The following SLC25A18 variants were observed in gnomAD, a reference collection of about 807,000 sequenced individuals.
The protein encoded by SLC25A18 is solute carrier family 25 member 18.
SLC25A18 carries 24 observed loss-of-function variants against 31.1 expected under a neutral mutation model. That is an observed-to-expected ratio of 0.77 (90% confidence interval 0.56 to 1.08). The LOEUF is 1.08. Among genes scored for constraint, SLC25A18 ranks in the 50% least tolerant of loss-of-function variants. The probability of loss-of-function intolerance (pLI) is 0.00; values close to 1 mark genes in which losing one functional copy is unlikely to be tolerated. For missense variants in SLC25A18, 371 were observed against 418.5 expected, an observed-to-expected ratio of 0.89 and a Z score of 0.99; for synonymous variants, 173 against 161.9, an observed-to-expected ratio of 1.07 and a Z score of -0.52.
Position 17,589,633 on chromosome 22 carries a change from G to A in SLC25A18, c.774G>A (p.Glu258=). 6.2e-7 allele frequency: 1 copy of A among 1,614,096 alleles called. No homozygotes were observed. The highest frequency in any genetic ancestry group is 8.5e-7 in the Non-Finnish European group (1 of 1,180,002). ...AAACCCTCAAGAAAGGCCTGGGCGA[G>A]GACATGTACAGTGGGATCACCGACT... ...RIQTLKKGLG[E]DMYSGITDCA... The change falls in exon 10 of 11, where the codon GAG becomes GAA. Residue 258 remains glutamate, a synonymous_variant. Coordinates refer to ENST00000327451, the MANE Select transcript of SLC25A18 (RefSeq NM_031481.3).
At chr22:17,582,736 C>T in intron 6 of SLC25A18, 83 bp downstream of exon 6, 1 of 1,219,178 alleles carries the variant, frequency 8.2e-7, no homozygotes, top group South Asian at 1.3e-5. Flanking sequence ...AAATGTGCCT[C>T]AGTATACCTG....
At chr22:17,588,718 C>T (rs1185446664) in intron 9 of SLC25A18, 1 of 152,158 alleles carries the variant, frequency 6.6e-6, no homozygotes, top group African/African-American at 2.4e-5. Context: ...GAAGACAATG[C>T]TTCCCTCCGT....
intron 10 of SLC25A18, 133 bp from the exon 11 acceptor site, chr22:17,589,962 A>C: frequency 1.4e-5 from 18 of 1,296,198 alleles, no homozygotes; most frequent in Non-Finnish European, 1.9e-5. Flanking sequence ...CAGCTCCCAC[A>C]CCGTTGGCCT....
intron 2 of SLC25A18, among the ~76,000 whole-genome samples, chr22:17,571,591 A>G (rs1236469806): frequency 6.6e-6 from 1 of 151,996 alleles, no homozygotes; most frequent in Non-Finnish European, 1.5e-5. Context: ...CCTGGACAAC[A>G]GGGTAAAAAT....
At position 17,587,940 on chromosome 22, in the gene SLC25A18, C is replaced by A. The variant is rs1359610234; in HGVS notation, c.591C>A (p.Ser197=). 6.2e-7 allele frequency: 1 copy of A among 1,614,132 alleles called. No homozygotes were observed. Among genetic ancestry groups the A allele is most frequent in the Admixed American group, 1.7e-5 (1 of 60,006 alleles). ...TCTTCTGCAGAGACATTCCTTTCTCCATCATCTACTTCCCACTGTTTGCCA... is the reference window on the plus strand; with the variant it reads ...TCTTCTGCAGAGACATTCCTTTCTCAATCATCTACTTCCCACTGTTTGCCA... The part of the protein sequence containing the change: ...GATLLRDIPF[S]IIYFPLFANL... Residue 197 remains serine, a synonymous_variant, in exon 9 of 11, where the codon TCC becomes TCA. Coordinates refer to ENST00000327451, the MANE Select transcript of SLC25A18 (RefSeq NM_031481.3).
At chr22:17,587,882 C>T in intron 8 of SLC25A18, 43 bp from the exon 9 acceptor site, 1 of 1,613,036 alleles carries the variant, frequency 6.2e-7, no homozygotes, top group Non-Finnish European at 8.5e-7. Context: ...GTGGCAGCCC[C>T]AGGGCAGCTC....
At chr22:17,566,469 A>G (rs1053104645) in intron 1 of SLC25A18, among the ~76,000 whole-genome samples, 2 of 151,590 alleles carry the variant, frequency 1.3e-5, no homozygotes, top group African/African-American at 4.9e-5. Flanking sequence ...CTGGAGTGCA[A>G]TGGCGCAATC....
chr22:17,567,424 T>C (rs984191962), intron 1 of SLC25A18, among the ~76,000 whole-genome samples: 1 of 151,986 alleles, frequency 6.6e-6, no homozygotes, highest in African/African-American at 2.4e-5. Context: ...GATGTCCCAT[T>C]CCCCTTTTAT....
chr22:17,584,398 G>GA (rs1384722837), intron 7 of SLC25A18, among the ~76,000 whole-genome samples: 1 of 84,426 alleles, frequency 1.2e-5, no homozygotes, highest in Non-Finnish European at 2.5e-5. Context: ...ATCTCAAAAA[G>GA]AAAAGAAAGA....
chr22:17,584,194 C>T lies in SLC25A18; in HGVS notation c.409+660C>T, dbSNP rs564571569. ...GGATTATGAGGTCAGAAGATTGAGA[C>T]CATCCTGGCTAACACGGTGAAACCC... On this transcript the variant is annotated intron_variant, in intron 7 of 10. Coordinates refer to ENST00000327451, the MANE Select transcript of SLC25A18 (RefSeq NM_031481.3). 1.3e-3 allele frequency: 496 copies of T among 393,832 alleles called. 1 individual carries two copies. The highest frequency in any genetic ancestry group is 2.7e-3 in the Middle Eastern group (2 of 748). 24.4% of individuals were successfully genotyped at this position (393,832 alleles called of 1,614,324 possible).
At chr22:17,564,816 C>G (rs2056890688) in intron 1 of SLC25A18, among the ~76,000 whole-genome samples, 1 of 137,604 alleles carries the variant, frequency 7.3e-6, no homozygotes, top group Non-Finnish European at 1.5e-5. Flanking sequence ...AAGATTGAGC[C>G]AGTGCACTCC....
chr22:17,578,771 A>G (rs1461618235), intron 2 of SLC25A18, among the ~76,000 whole-genome samples: 5 of 152,198 alleles, frequency 3.3e-5, no homozygotes, highest in African/African-American at 1.2e-4. Flanking sequence ...GTGGTGGCAC[A>G]TGCCTGTAAT....
intron 1 of SLC25A18, among the ~76,000 whole-genome samples, chr22:17,566,527 T>G (rs994509600): frequency 6.6e-6 from 1 of 152,208 alleles, no homozygotes; most frequent in East Asian, 1.9e-4. Flanking sequence ...GTTCTCCCGC[T>G]TAAGCCTTCC....
intron 1 of SLC25A18, among the ~76,000 whole-genome samples, chr22:17,568,290 G>C (rs1480679170): frequency 6.6e-6 from 1 of 150,728 alleles, no homozygotes; most frequent in Non-Finnish European, 1.5e-5. Context: ...TGGCGTGAAC[G>C]TGGGAGGCTG....
At chr22:17,577,579 A>ATTTT (rs695611) in intron 2 of SLC25A18, among the ~76,000 whole-genome samples, 1 of 118,938 alleles carries the variant, frequency 8.4e-6, no homozygotes, top group African/African-American at 3.3e-5. Context: ...TGTCCTGTCT[A>ATTTT]TTTTTTTTTT....
At chr22:17,579,560 C>T (rs2057318541) in intron 2 of SLC25A18, among the ~76,000 whole-genome samples, 185 bp from the exon 3 acceptor site, 1 of 152,192 alleles carries the variant, frequency 6.6e-6, no homozygotes, top group South Asian at 2.1e-4. Context: ...CTGTATCCTT[C>T]TCTCTCATTC....
intron 2 of SLC25A18, among the ~76,000 whole-genome samples, chr22:17,574,883 G>A (rs1049097095): frequency 2.4e-4 from 26 of 106,948 alleles, no homozygotes; most frequent in African/African-American, 7.6e-4. Context: ...ATGGAGTCTC[G>A]CTCTGTCGCC....
chr22:17,568,649 C>T (rs1285916051), intron 1 of SLC25A18, among the ~76,000 whole-genome samples: 5 of 129,394 alleles, frequency 3.9e-5, no homozygotes, highest in African/African-American at 1.5e-4. Flanking sequence ...GCAAGCTCTG[C>T]GTCCCGGATT....
At chr22:17,587,860 GTC>G (rs1471095759) in intron 8 of SLC25A18, 63 bp from the exon 9 acceptor site, 1 of 1,603,254 alleles carries the variant, frequency 6.2e-7, no homozygotes, top group Admixed American at 1.7e-5. Context: ...AAAGCTCATT[GTC>G]TCACCTTGGG....
Sources: allele counts gnomAD v4.1 joint callset (sites outside exome capture counted in the v4.1 genomes callset), GRCh38; gene constraint gnomAD v4.1.1; transcripts MANE v1.5; gene names NCBI Gene and HGNC (gene_info 2026-07-23, HGNC 2026-07-21).